The following GALNT13 variants were observed in gnomAD, a reference collection of about 807,000 sequenced individuals.
GALNT13 encodes the protein polypeptide N-acetylgalactosaminyltransferase 13, also known as UDP-GalNAc:polypeptide N-acetylgalactosaminyltransferase 13.
In GALNT13, 28 loss-of-function variants were observed where a neutral mutation model predicts 64.2. The observed-to-expected ratio is 0.44, with a 90% CI of 0.32 to 0.60. GALNT13 has a LOEUF of 0.60. Ranked by LOEUF, GALNT13 falls within the 20% of genes least tolerant of loss-of-function variation. The probability of loss-of-function intolerance (pLI) is 0.05; values close to 1 mark genes in which losing one functional copy is unlikely to be tolerated. For synonymous variants in GALNT13, 214 were observed against 224.6 expected, an observed-to-expected ratio of 0.95 and a Z score of 0.42; for missense variants, 577 against 669.8, an observed-to-expected ratio of 0.86 and a Z score of 1.53.
chr2:154,350,644 A>G (rs867721238), intron 9 of GALNT13, among the ~76,000 whole-genome samples: 1 of 152,124 alleles, frequency 6.6e-6, no homozygotes, highest in Non-Finnish European at 1.5e-5. Context: ...TTTCCTGTAT[A>G]TATCTATCAT....
At chr2:154,038,857 G>C (rs1698815554) in intron 3 of GALNT13, among the ~76,000 whole-genome samples, 1 of 151,990 alleles carries the variant, frequency 6.6e-6, no homozygotes, top group Non-Finnish European at 1.5e-5. Context: ...CAAATTATTA[G>C]TCCAAGAAGG....
chr2:153,411,174 TA>T, the GALNT13 span, among the ~76,000 whole-genome samples: 4 of 90,548 alleles, frequency 4.4e-5, no homozygotes, highest in East Asian at 1.2e-3. Flanking sequence ...TATATATATA[TA>T]TATATTTTTT....
chr2:153,823,918 C>T, the GALNT13 span, among the ~76,000 whole-genome samples: 1 of 152,066 alleles, frequency 6.6e-6, no homozygotes, highest in South Asian at 2.1e-4. Flanking sequence ...ACAATTCAAC[C>T]AACAAAAACC....
chr2:154,355,856 T>C (rs1423797356), intron 9 of GALNT13, among the ~76,000 whole-genome samples: 1 of 152,072 alleles, frequency 6.6e-6, no homozygotes, highest in Non-Finnish European at 1.5e-5. Context: ...GTTTTTCTCT[T>C]GTACCAGTGT....
At chr2:153,235,063 T>TGA in the GALNT13 span, among the ~76,000 whole-genome samples, 2 of 152,160 alleles carry the variant, frequency 1.3e-5, no homozygotes, top group South Asian at 4.1e-4. Flanking sequence ...TGGAGCACCA[T>TGA]GAGCTGGACT....
At chr2:153,333,551 C>G in the GALNT13 span, among the ~76,000 whole-genome samples, 4 of 152,066 alleles carry the variant, frequency 2.6e-5, no homozygotes, top group African/African-American at 9.7e-5. Flanking sequence ...TTGAGGCAGG[C>G]TAAAAGCCTC....
intron 4 of GALNT13, among the ~76,000 whole-genome samples, chr2:154,235,238 A>G (rs766450188): frequency 6.6e-6 from 1 of 152,214 alleles, no homozygotes; most frequent in Non-Finnish European, 1.5e-5. Flanking sequence ...GGATTTTAAA[A>G]TAAAGATGTT....
chr2:153,231,673 A>C, the GALNT13 span, among the ~76,000 whole-genome samples: 5 of 151,988 alleles, frequency 3.3e-5, no homozygotes, highest in African/African-American at 9.7e-5. Context: ...TTTTTTTCTT[A>C]TTTATTATTC....
chr2:153,564,201 TA>T, the GALNT13 span, among the ~76,000 whole-genome samples: 3,107 of 126,622 alleles, frequency 0.025, 101 homozygotes, highest in African/African-American at 0.083. Context: ...TTTATATATA[TA>T]TTTTTTTTAC....
At chr2:153,564,893 G>T in the GALNT13 span, among the ~76,000 whole-genome samples, 4 of 152,104 alleles carry the variant, frequency 2.6e-5, no homozygotes, top group Non-Finnish European at 5.9e-5. Context: ...TCTTCTGTGG[G>T]TCCTGAAGAA....
the GALNT13 span, among the ~76,000 whole-genome samples, chr2:153,258,456 A>T: frequency 6.6e-6 from 1 of 152,040 alleles, no homozygotes; most frequent in Non-Finnish European, 1.5e-5. Context: ...AATATTATTT[A>T]TTTCAGCTTT....
intron 9 of GALNT13, among the ~76,000 whole-genome samples, chr2:154,387,521 A>C (rs1230371535): frequency 7.9e-6 from 1 of 126,798 alleles, no homozygotes; most frequent in Non-Finnish European, 1.7e-5. Flanking sequence ...TAGATCCCAA[A>C]ACGTGTTTCT....
chr2:154,175,445 A>G (rs376117115), intron 4 of GALNT13, among the ~76,000 whole-genome samples: 1 of 152,158 alleles, frequency 6.6e-6, no homozygotes, highest in Non-Finnish European at 1.5e-5. Flanking sequence ...TTCCATACAG[A>G]TACTCAATAT....
In GALNT13 at chr2:154,013,824, G is replaced by A. The variant is rs559444845; in HGVS notation, c.142+69185G>A. ...GGGTTGGCGAGGTCGGTCGGCCCTTGCGCACACACTGCCAAAGCAGTGAGG... is the reference window on the plus strand; with the variant it reads ...GGGTTGGCGAGGTCGGTCGGCCCTTACGCACACACTGCCAAAGCAGTGAGG... On this transcript the variant is annotated intron_variant, in intron 3 of 12. Transcript: ENST00000392825. 7.9e-5 allele frequency among the ~76,000 whole-genome samples: 12 copies of A among 152,268 alleles called. No individual in the cohort carries two copies. In the East Asian group the frequency reaches 2.3e-3, roughly 30 times the overall value.
intron 3 of GALNT13, among the ~76,000 whole-genome samples, chr2:154,072,714 G>A (rs1366039263): frequency 6.6e-6 from 1 of 151,986 alleles, no homozygotes; most frequent in Non-Finnish European, 1.5e-5. Context: ...ACAGCAACTG[G>A]TGGTAGGGCT....
Position 154,131,633 on chromosome 2 carries a change from T to G in GALNT13, c.143-8704T>G, listed in dbSNP as rs2105548887. Among the ~76,000 whole-genome samples the G allele has an allele frequency of 1.3e-5, 2 of 152,314 alleles. 1 individual carries two copies. Among genetic ancestry groups the G allele is most frequent in the South Asian group, 4.1e-4 (2 of 4,828 alleles). ...ATATTCATTTTCACTGAAGCCAGAT[T>G]TTTCGTTAATACCTAGCTAAAATTA... On this transcript the variant is annotated intron_variant, in intron 3 of 12. Transcript: ENST00000392825.
chr2:154,041,859 G>T lies in GALNT13; in HGVS notation c.142+97220G>T, dbSNP rs1183823803. ...ATCATTTACAAGTATAGATTTTACT[G>T]CTCTTTCTTCTTTGTTTCTGTGCAA... On this transcript the variant is annotated intron_variant, in intron 3 of 12. Coordinates refer to ENST00000392825, the MANE Select transcript of GALNT13 (RefSeq NM_052917.4). Among the ~76,000 whole-genome samples, 2 of 139,662 alleles carry T rather than the reference G, an allele frequency of 1.4e-5. 1 individual carries two copies. The allele number at this position is 139,662 out of a possible 152,430, so 91.6% of individuals were successfully genotyped here. A position where few individuals can be genotyped will look rare whatever the true frequency, so the allele number is the denominator to read the frequency against.
the GALNT13 span, among the ~76,000 whole-genome samples, chr2:153,434,602 G>GT: frequency 1.1e-4 from 16 of 152,114 alleles, no homozygotes; most frequent in Admixed American, 3.3e-4. Context: ...TTTTTCATGT[G>GT]TTTTTTGGCT....
the GALNT13 span, among the ~76,000 whole-genome samples, chr2:153,529,183 A>G: frequency 2.0e-5 from 3 of 152,056 alleles, no homozygotes; most frequent in South Asian, 2.1e-4. Flanking sequence ...GCTAGACTAA[A>G]TAAAAAAGAA....
Sources: allele counts gnomAD v4.1 joint callset (sites outside exome capture counted in the v4.1 genomes callset), GRCh38; gene constraint gnomAD v4.1.1; transcripts MANE v1.5; gene names NCBI Gene and HGNC (gene_info 2026-07-23, HGNC 2026-07-21).